Variants in MON2 observed in about 807,000 individuals in gnomAD.
MON2 encodes the protein MON2 regulator of endosome-to-Golgi trafficking.
MON2 carries 84 observed loss-of-function variants against 208.6 expected under a neutral mutation model. The ratio of observed to expected loss-of-function variants is 0.40; its 90% CI spans 0.34 to 0.48. The LOEUF (loss-of-function observed/expected upper bound fraction) is 0.48, where lower values mean the gene tolerates loss of function less well. Among genes scored for constraint, MON2 ranks in the 20% least tolerant of loss-of-function variants. The probability of loss-of-function intolerance (pLI) is 0.59; values close to 1 mark genes in which losing one functional copy is unlikely to be tolerated. For missense variants in MON2, 1,611 were observed against 2,015.4 expected (o/e 0.80, Z 3.84); for synonymous variants, 660 against 694.0 (o/e 0.95, Z 0.77).
At chr12:62,544,750 T>G in intron 20 of MON2, 148 bp from the exon 21 acceptor site, 2 of 1,531,338 alleles carry the variant, frequency 1.3e-6, no homozygotes, top group Non-Finnish European at 8.8e-7. Flanking sequence ...TATTGCTTGC[T>G]CTTGCCCTTA....
chr12:62,564,577 T>C (rs17098067), intron 26 of MON2, among the ~76,000 whole-genome samples: 2,640 of 152,222 alleles, frequency 0.017, 165 homozygotes, highest in East Asian at 0.11. Context: ...ATTTTATTCT[T>C]TCTTCCTATC....
At chr12:62,479,866 G>T (rs959622558) in intron 1 of MON2, among the ~76,000 whole-genome samples, 5 of 152,022 alleles carry the variant, frequency 3.3e-5, no homozygotes, top group Admixed American at 6.6e-5. Flanking sequence ...GATATACGTG[G>T]TATCTGATCA....
At chr12:62,567,810 G>A (rs907212649) in intron 29 of MON2, among the ~76,000 whole-genome samples, 3 of 152,152 alleles carry the variant, frequency 2.0e-5, no homozygotes, top group Non-Finnish European at 4.4e-5. Context: ...TTAAGTGCTA[G>A]GTAAAGACCA....
intron 23 of MON2, among the ~76,000 whole-genome samples, chr12:62,550,664 T>G (rs1236152177): frequency 6.6e-6 from 1 of 152,220 alleles, no homozygotes; most frequent in East Asian, 1.9e-4. Context: ...TGCTTCACCT[T>G]GTACTTGTAG....
chr12:62,492,362 C>CTTTT (rs67979134), intron 2 of MON2, among the ~76,000 whole-genome samples: 71 of 110,234 alleles, frequency 6.4e-4, no homozygotes, highest in African/African-American at 1.2e-3. Context: ...AGAGTTAGTT[C>CTTTT]TTTTTTTTTT....
At chr12:62,507,530 G>A (rs1164989355) in intron 7 of MON2, among the ~76,000 whole-genome samples, 1 of 151,834 alleles carries the variant, frequency 6.6e-6, no homozygotes. Context: ...TGTTGCTCAG[G>A]CTGGTCTTGA....
At chr12:62,526,579 C>T (rs1376808428) in intron 11 of MON2, among the ~76,000 whole-genome samples, 1 of 151,950 alleles carries the variant, frequency 6.6e-6, no homozygotes, top group Non-Finnish European at 1.5e-5. Context: ...TAGGGTTAAA[C>T]ACATGAAAAT....
Position 62,598,033 on chromosome 12 carries a change from A to G in MON2, c.*5284A>G, listed in dbSNP as rs1262227608. The G allele has an allele frequency of 1.3e-5, 2 of 152,218 alleles. No individual in the cohort carries two copies. The highest frequency in any genetic ancestry group is 4.8e-5 in the African/African-American group (2 of 41,460). 9.4% of individuals were successfully genotyped at this position (152,218 alleles called of 1,614,324 possible). A position where few individuals can be genotyped will look rare whatever the true frequency, so the allele number is the denominator to read the frequency against. On this transcript the variant is annotated 3_prime_UTR_variant, in exon 35 of 35. Coordinates refer to ENST00000393630, the MANE Select transcript of MON2 (RefSeq NM_015026.3). ...TTTATATTGACACTGCCTACTTACA[A>G]GAATAATTTGAGGCAGCATATTGCC...
Position 62,524,942 on chromosome 12 carries a change from T to A in MON2, c.1110-142T>A. ...CCTCTATCTGAACCTTTGTCCTAAATTGGTAAAATTACTGAGTTGTAATGA... is the reference window on the plus strand; with the variant it reads ...CCTCTATCTGAACCTTTGTCCTAAAATGGTAAAATTACTGAGTTGTAATGA... On this transcript the variant is annotated intron_variant, in intron 9 of 34. Transcript: ENST00000393630. 8.7e-6 allele frequency: 7 copies of A among 802,668 alleles called. No homozygotes were observed. In the South Asian group the frequency reaches 1.5e-4, roughly 17 times the overall value. The allele number at this position is 802,668 out of a possible 1,614,324, so 49.7% of individuals were successfully genotyped here. A position where few individuals can be genotyped will look rare whatever the true frequency, so the allele number is the denominator to read the frequency against.
chr12:62,574,990 GTGGCA>G (rs1202961750), intron 30 of MON2, among the ~76,000 whole-genome samples: 1 of 152,026 alleles, frequency 6.6e-6, no homozygotes, highest in East Asian at 1.9e-4. Flanking sequence ...GCCAGATATG[GTGGCA>G]TGTGCCTGTA....
At chr12:62,511,150 A>T (rs1371837943) in intron 8 of MON2, among the ~76,000 whole-genome samples, 1 of 152,236 alleles carries the variant, frequency 6.6e-6, no homozygotes, top group Non-Finnish European at 1.5e-5. Flanking sequence ...TCATGATTAA[A>T]AGACTTAAAA....
chr12:62,525,111 A>G lies in MON2; in HGVS notation c.1137A>G (p.Lys379=). ...LRSFCQSYDM[K]QHSTKVFRDI... Reference sequence around the variant, plus strand: ...CATTTTGTCAGTCCTATGATATGAAACAGCATTCTACCAAGGTTTTTCGTG... The same window carrying G: ...CATTTTGTCAGTCCTATGATATGAAGCAGCATTCTACCAAGGTTTTTCGTG... The change falls in exon 10 of 35, where the codon AAA becomes AAG. Residue 379 remains lysine, a synonymous_variant. Coordinates refer to ENST00000393630, the MANE Select transcript of MON2 (RefSeq NM_015026.3). The G allele has an allele frequency of 6.2e-7, 1 of 1,611,204 alleles. No individual in the cohort carries two copies. The highest frequency in any genetic ancestry group is 1.1e-5 in the South Asian group (1 of 90,988).
chr12:62,523,357 G>A (rs1002440286), intron 8 of MON2, among the ~76,000 whole-genome samples: 1 of 152,114 alleles, frequency 6.6e-6, no homozygotes, highest in Non-Finnish European at 1.5e-5. Flanking sequence ...TATAAGAAAG[G>A]CAACCATGCT....
chr12:62,594,124 A>G lies in MON2; in HGVS notation c.*1375A>G, dbSNP rs112459344. Reference sequence around the variant, plus strand: ...ATTTTCATAATTTATGTGAAGACACAAAGATGTTTAAAACAATGATTATTC... The same window carrying G: ...ATTTTCATAATTTATGTGAAGACACGAAGATGTTTAAAACAATGATTATTC... On this transcript the variant is annotated 3_prime_UTR_variant, in exon 35 of 35. Coordinates refer to ENST00000393630, the MANE Select transcript of MON2 (RefSeq NM_015026.3). 8 of 152,152 alleles carry G rather than the reference A, an allele frequency of 5.3e-5. No homozygotes were observed. Among genetic ancestry groups the G allele is most frequent in the African/African-American group, 1.9e-4 (8 of 41,444 alleles). 9.4% of individuals were successfully genotyped at this position (152,152 alleles called of 1,614,324 possible).
chr12:62,522,278 A>G (rs988116352), intron 8 of MON2, among the ~76,000 whole-genome samples: 1 of 152,210 alleles, frequency 6.6e-6, no homozygotes, highest in African/African-American at 2.4e-5. Context: ...TGCCTTGTCC[A>G]AACTAATTTT....
At chr12:62,589,248 A>G (rs1011563578) in intron 34 of MON2, among the ~76,000 whole-genome samples, 1 of 152,200 alleles carries the variant, frequency 6.6e-6, no homozygotes. Flanking sequence ...ACAAGAAGAC[A>G]TTGGTAAAGA....
chr12:62,525,174 G>C lies in MON2; in HGVS notation c.1200G>C (p.Leu400Phe). 1 of 1,613,260 alleles carries C rather than the reference G, an allele frequency of 6.2e-7. No homozygotes were observed. Among genetic ancestry groups the C allele is most frequent in the Non-Finnish European group, 8.5e-7 (1 of 1,179,398 alleles). Residue 400 changes from leucine (L) to phenylalanine (F), a missense_variant, in exon 10 of 35, where the codon TTG becomes TTC. Coordinates refer to ENST00000393630, the MANE Select transcript of MON2 (RefSeq NM_015026.3). ...CACTGGGATCTTTTATACAGTCCTTGTTTCTTGTCCCCCCTACTGGAAATC... is the reference window on the plus strand; with the variant it reads ...CACTGGGATCTTTTATACAGTCCTTCTTTCTTGTCCCCCCTACTGGAAATC... ...VNALGSFIQS[L>F]FLVPPTGNPA... is the part of the protein sequence containing the mutation.
intron 11 of MON2, among the ~76,000 whole-genome samples, chr12:62,530,497 C>A (rs2072581884): frequency 6.6e-6 from 1 of 152,116 alleles, no homozygotes; most frequent in African/African-American, 2.4e-5. Flanking sequence ...TCCCAAAGTG[C>A]TGGGATTACA....
chr12:62,507,327 T>C (rs752932665), intron 7 of MON2, among the ~76,000 whole-genome samples: 8 of 151,716 alleles, frequency 5.3e-5, no homozygotes, highest in Admixed American at 1.3e-4. Flanking sequence ...TTTTTTTTTT[T>C]CTGTGTGAGA....
Sources: gnomAD v4.1 joint callset for allele counts (sites outside exome capture counted in the v4.1 genomes callset) on GRCh38, gnomAD v4.1.1 for gene constraint, MANE v1.5 for transcripts, NCBI Gene and HGNC (gene_info 2026-07-23, HGNC 2026-07-21) for gene names.